TNXB: variants seen among roughly 807,000 people sequenced by gnomAD.
The protein encoded by TNXB is tenascin XB.
In TNXB, 183 loss-of-function variants were observed where a neutral mutation model predicts 340.5. The observed-to-expected ratio is 0.54, with a 90% confidence interval of 0.48 to 0.61. TNXB has a LOEUF of 0.61. Among genes scored for constraint, TNXB ranks in the 20% least tolerant of loss-of-function variants. TNXB has a pLI of 0.00. For missense variants in TNXB, 4,613 were observed against 5,446.4 expected (o/e 0.85, Z 4.82); for synonymous variants, 2,121 against 2,314.5 (o/e 0.92, Z 2.40).
At chr6:32,057,285 G>T (rs193263944) in intron 22 of TNXB, among the ~76,000 whole-genome samples, 7 of 152,270 alleles carry the variant, frequency 4.6e-5, no homozygotes, top group African/African-American at 1.7e-4. Context: ...TCCTCCCGAG[G>T]CCAGAGCCTG....
Position 32,069,926 on chromosome 6 carries a change from G to A in TNXB, c.5279-65C>T. On this transcript the variant is annotated intron_variant, in intron 14 of 43. Transcript: ENST00000644971. This position sits in a 1 kb window ranked among gnomAD's most constrained non-coding sequence, Gnocchi z 6.2. Reference sequence around the variant, plus strand: ...CTGGAAGACTGGGTGACCTCGACGGGCAGGATTGAGAGGTCTGGAGACAGG... The same window carrying A: ...CTGGAAGACTGGGTGACCTCGACGGACAGGATTGAGAGGTCTGGAGACAGG... The A allele has an allele frequency of 2.0e-6, 3 of 1,479,832 alleles. No individual in the cohort carries two copies. The highest frequency in any genetic ancestry group is 2.1e-5 in the Admixed American group (1 of 46,732). The allele number at this position is 1,479,832 out of a possible 1,614,324, so 91.7% of individuals were successfully genotyped here.
chr6:32,054,199 A>G (rs3021090), intron 24 of TNXB, among the ~76,000 whole-genome samples: 14,951 of 151,520 alleles, frequency 0.099, 926 homozygotes, highest in African/African-American at 0.16. Context: ...TCCAGTCCCC[A>G]ATCCTAGTTT....
Position 32,049,205 on chromosome 6 carries a change from C to T in TNXB, c.9757+65G>A. 1.3e-6 allele frequency: 2 copies of T among 1,531,542 alleles called. No individual in the cohort carries two copies. The highest frequency in any genetic ancestry group is 8.8e-7 in the Non-Finnish European group (1 of 1,139,536). 94.9% of individuals were successfully genotyped at this position (1,531,542 alleles called of 1,614,324 possible). A position where few individuals can be genotyped will look rare whatever the true frequency, so the allele number is the denominator to read the frequency against. ...CCCAGTCAAAAGAGGTGCCAAGATC[C>T]AAAGGAGAAACACAAGGGGGCTGCA... On this transcript the variant is annotated intron_variant, in intron 28 of 43. Coordinates refer to ENST00000644971, the MANE Select transcript of TNXB (RefSeq NM_001365276.2). This position sits in a 1 kb window ranked among gnomAD's most constrained non-coding sequence, Gnocchi z 4.5.
intron 4 of TNXB, chr6:32,093,444 G>T (rs1780171079): frequency 1.4e-6 from 1 of 699,698 alleles, no homozygotes; most frequent in Non-Finnish European, 2.6e-6. Context: ...GCAGAACATA[G>T]TAGGGGGCTG....
rs1463608673 is a variant in TNXB at position 32,082,258 on chromosome 6, G to T, written c.3514C>A (p.Pro1172Thr). ...GTCCAGGAGAGGTGCAGTGAATCTG[G>T]GGTAGGGTCTGTCACCCACAGGTTT... ...LGNLWVTDPT[P>T]DSLHLSWTVP... Residue 1172 changes from proline (P) to threonine (T), a missense_variant, in exon 9 of 44, where the codon CCA becomes ACA. By Grantham distance (38) the Pro-to-Thr change is conservative. Coordinates refer to ENST00000644971, the MANE Select transcript of TNXB (RefSeq NM_001365276.2). This position sits in a 1 kb window ranked among gnomAD's most constrained non-coding sequence, Gnocchi z 5.0. 4.4e-6 allele frequency: 7 copies of T among 1,607,476 alleles called. No individual in the cohort carries two copies. The highest frequency in any genetic ancestry group is 5.9e-6 in the Non-Finnish European group (7 of 1,177,486).
rs1450456480 is a variant in TNXB at position 32,108,859 on chromosome 6, T to C, written c.-9+322A>G. On this transcript the variant is annotated intron_variant, in intron 1 of 43. Transcript: ENST00000644971. The surrounding 1 kb of genome is among the most constrained non-coding windows in gnomAD (Gnocchi z 4.8). Reference sequence around the variant, plus strand: ...AGGGCCCAGGGGCTCACCTCACCAATAACCACCTCTACCCTGGTTCCACCA... The same window carrying C: ...AGGGCCCAGGGGCTCACCTCACCAACAACCACCTCTACCCTGGTTCCACCA... 2.6e-5 allele frequency among the ~76,000 whole-genome samples: 4 copies of C among 152,060 alleles called. No homozygotes were observed. The highest frequency in any genetic ancestry group is 7.2e-5 in the African/African-American group (3 of 41,406).
At chr6:32,071,237 G>A (rs1778751936) in intron 13 of TNXB, among the ~76,000 whole-genome samples, 2 of 152,202 alleles carry the variant, frequency 1.3e-5, no homozygotes, top group African/African-American at 4.8e-5. Context: ...GAGACTTCAG[G>A]AGGAGGGCAG....
rs374813351 is a variant in TNXB at position 32,086,126 on chromosome 6, G to A, written c.2780-8C>T. On this transcript the variant is annotated splice_region_variant and splice_polypyrimidine_tract_variant and intron_variant, in intron 6 of 43. Coordinates refer to ENST00000644971, the MANE Select transcript of TNXB (RefSeq NM_001365276.2). The stretch of plus-strand genomic sequence containing the variant: ...GGCCCAAGGGTGAGGACCCTGGGAA[G>A]GGGCAGGGTGAGAAAAAGAGGAGAG... 34 of 1,488,020 alleles carry A rather than the reference G, an allele frequency of 2.3e-5. No homozygotes were observed. The East Asian group carries it at 5.2e-4, about 23-fold the overall frequency. The allele number at this position is 1,488,020 out of a possible 1,614,324, so 92.2% of individuals were successfully genotyped here. A position where few individuals can be genotyped will look rare whatever the true frequency, so the allele number is the denominator to read the frequency against.
Position 32,081,531 on chromosome 6 carries a change from G to A in TNXB, c.3879C>T (p.Val1293=), listed in dbSNP as rs1314357825. 1 of 1,606,848 alleles carries A rather than the reference G, an allele frequency of 6.2e-7. No individual in the cohort carries two copies. The highest frequency in any genetic ancestry group is 2.2e-5 in the East Asian group (1 of 44,718). ...VAQGPFDSFM[V]QYKDAQGQPQ... ...GCTGCCCCTGTGCATCCTTGTACTG[G>A]ACCATGAATGAGTCGAAGGGGCCCT... Residue 1293 remains valine, a synonymous_variant, in exon 10 of 44, where the codon GTC becomes GTT. Transcript: ENST00000644971. The surrounding 1 kb of genome is among the most constrained non-coding windows in gnomAD (Gnocchi z 5.1).
Position 32,044,049 on chromosome 6 carries a change from G to A in TNXB, c.11344C>T (p.Arg3782Trp), listed in dbSNP as rs773307742. 11 of 1,543,526 alleles carry A rather than the reference G, an allele frequency of 7.1e-6. No homozygotes were observed. The highest frequency in any genetic ancestry group is 1.2e-5 in the South Asian group (1 of 86,034). ...TAGGAGACTTTGAAGCTGTCCGCCC[G>A]GGATGGTGGGGGCATCCAGTTGACC... ...AKVNWMPPPS[R>W]ADSFKVSYQL... is the part of the protein sequence containing the mutation. Residue 3782 changes from arginine (R) to tryptophan (W), a missense_variant, in exon 34 of 44, where the codon CGG (arginine) becomes TGG (tryptophan). Arg to Trp is a moderately radical substitution (Grantham distance 101). Around this residue, in one of 7 missense-constraint regions of TNXB, gnomAD observed 14 missense variants for 33.4 expected, o/e 0.42. Transcript: ENST00000644971.
In TNXB at chr6:32,068,250, C is replaced by G. The variant is rs770196972; in HGVS notation, c.6220+140G>C. ...CAGTGGTCAACCTCACAGGAAGGCC[C>G]AAGGGGAGCCCCAGCCCCAGCCACA... On this transcript the variant is annotated intron_variant, in intron 17 of 43. Coordinates refer to ENST00000644971, the MANE Select transcript of TNXB (RefSeq NM_001365276.2). This position sits in a 1 kb window ranked among gnomAD's most constrained non-coding sequence, Gnocchi z 5.3. 222 of 1,322,582 alleles carry G rather than the reference C, an allele frequency of 1.7e-4. No individual in the cohort carries two copies. Among genetic ancestry groups the G allele is most frequent in the Non-Finnish European group, 1.5e-4 (145 of 973,162 alleles). The allele number at this position is 1,322,582 out of a possible 1,614,324, so 81.9% of individuals were successfully genotyped here. A position where few individuals can be genotyped will look rare whatever the true frequency, so the allele number is the denominator to read the frequency against.
Position 32,073,747 on chromosome 6 carries a change from G to A in TNXB, c.4581C>T (p.Val1527=). ...TCTCAGGCTCCAGGTTGTAGACTGT[G>A]ACCTCTCGCTGGTCTGCCGCCACCG... is the stretch of plus-strand genomic sequence containing the variant. ...VVPVAADQRE[V]TVYNLEPERK... is the part of the protein sequence containing the mutation. The change falls in exon 12 of 44, where the codon GTC becomes GTT. Residue 1527 remains valine, a synonymous_variant. Coordinates refer to ENST00000644971, the MANE Select transcript of TNXB (RefSeq NM_001365276.2). The surrounding 1 kb of genome is among the most constrained non-coding windows in gnomAD (Gnocchi z 4.6). 1 of 1,612,496 alleles carries A rather than the reference G, an allele frequency of 6.2e-7. No homozygotes were observed.
intron 1 of TNXB, among the ~76,000 whole-genome samples, chr6:32,101,482 G>C (rs1025027333): frequency 6.8e-4 from 103 of 151,994 alleles, no homozygotes; most frequent in African/African-American, 2.3e-3. Flanking sequence ...GTAGAGATGA[G>C]GTTTCACCGT....
intron 1 of TNXB, among the ~76,000 whole-genome samples, chr6:32,102,173 A>G (rs1317371394): frequency 1.3e-5 from 2 of 152,250 alleles, no homozygotes; most frequent in Non-Finnish European, 2.9e-5. Flanking sequence ...AATGTGAAGC[A>G]GCTGGAATTG....
In TNXB at chr6:32,043,506, C is replaced by T. The variant is rs201121030; in HGVS notation, c.11581G>A (p.Ala3861Thr). The T allele has an allele frequency of 9.5e-4, 700 of 734,274 alleles. 2 individuals carry two copies. Among genetic ancestry groups the T allele is most frequent in the Middle Eastern group, 7.2e-3 (20 of 2,760 alleles). 45.5% of individuals were successfully genotyped at this position (734,274 alleles called of 1,614,324 possible). Reference protein sequence around the residue: ...LRALNLTEGFAVLHWKPPQNP... With the variant: ...LRALNLTEGFTVLHWKPPQNP... ...TGGGGGGGCTTCCAGTGCAGCACGG[C>T]GAATCCCTCGGTCAAGTTCAGTGCA... The change falls in exon 36 of 44, where the codon GCC (alanine) becomes ACC (threonine). Residue 3861 changes from alanine to threonine, a missense_variant. Physicochemically the swap from Ala to Thr is moderately conservative, Grantham distance 58. Coordinates refer to ENST00000644971, the MANE Select transcript of TNXB (RefSeq NM_001365276.2).
chr6:32,100,194 TC>T (rs771584148), intron 1 of TNXB, among the ~76,000 whole-genome samples: 2 of 151,732 alleles, frequency 1.3e-5, no homozygotes, highest in African/African-American at 2.4e-5. Flanking sequence ...AACCTCCGTC[TC>T]CCAGGTTCAA....
intron 1 of TNXB, among the ~76,000 whole-genome samples, chr6:32,107,941 G>C (rs569635035): frequency 6.6e-6 from 1 of 152,258 alleles, no homozygotes; most frequent in African/African-American, 2.4e-5. Context: ...TGTCAGGGAG[G>C]GGTAGGTTGG....
At chr6:32,092,690 CAAAAA>C (rs33977838) in intron 4 of TNXB, among the ~76,000 whole-genome samples, 1 of 136,082 alleles carries the variant, frequency 7.3e-6, no homozygotes. Context: ...AACTCTGTCT[CAAAAA>C]AAAAAAAAAA....
At position 32,058,398 on chromosome 6, in the gene TNXB, G is replaced by A. The variant is rs1777813079; in HGVS notation, c.7493-8C>T. 1.3e-6 allele frequency: 2 copies of A among 1,589,404 alleles called. No homozygotes were observed. The highest frequency in any genetic ancestry group is 1.7e-6 in the Non-Finnish European group (2 of 1,167,798). ...CCACATCCTCTTGTGGGGCTGAAAG[G>A]TAATATAGGGGGATACAGAGTTTAA... is the stretch of plus-strand genomic sequence containing the variant. On this transcript the variant is annotated splice_region_variant and splice_polypyrimidine_tract_variant and intron_variant, in intron 21 of 43. Transcript: ENST00000644971. This position sits in a 1 kb window ranked among gnomAD's most constrained non-coding sequence, Gnocchi z 5.1.
Sources: gnomAD v4.1 joint callset for allele counts (sites outside exome capture counted in the v4.1 genomes callset) on GRCh38, gnomAD v4.1.1 for gene constraint, gnomAD v4.1.1 regional missense constraint, Gnocchi (gnomAD v3.1) non-coding constraint, MANE v1.5 for transcripts, NCBI Gene and HGNC (gene_info 2026-07-23, HGNC 2026-07-21) for gene names.